Variants in MSRB3 observed in about 807,000 individuals in gnomAD.
MSRB3 encodes the protein methionine sulfoxide reductase B3.
A neutral mutation model predicts 21.0 loss-of-function variants in MSRB3; 13 were observed. The ratio of observed to expected loss-of-function variants is 0.62; its 90% CI spans 0.40 to 0.98. The LOEUF (loss-of-function observed/expected upper bound fraction) is 0.98. Ranked by LOEUF, MSRB3 falls within the 50% of genes least tolerant of loss-of-function variation. The pLI is 0.00. For missense variants in MSRB3, 199 were observed against 230.3 expected (o/e 0.86, Z 0.88); for synonymous variants, 87 against 88.6 (o/e 0.98, Z 0.10).
In MSRB3 at chr12:65,315,365, C is replaced by A. The variant is rs913648398; in HGVS notation, c.76+6710C>A. 4.6e-5 allele frequency among the ~76,000 whole-genome samples: 7 copies of A among 151,584 alleles called. No homozygotes were observed. The South Asian group carries it at 1.3e-3, about 27-fold the overall frequency. On this transcript the variant is annotated intron_variant, in intron 2 of 6. Transcript: ENST00000308259. Reference sequence around the variant, plus strand: ...CGCTTGTATTAGTAATTTAAAAATGCGTGTTATAAAAAATACACCATGAGG... The same window carrying A: ...CGCTTGTATTAGTAATTTAAAAATGAGTGTTATAAAAAATACACCATGAGG...
intron 5 of MSRB3, among the ~76,000 whole-genome samples, chr12:65,427,048 G>GCCA (rs1312696730): frequency 1.3e-5 from 2 of 152,114 alleles, no homozygotes; most frequent in African/African-American, 4.8e-5. Flanking sequence ...CATTTCTTTA[G>GCCA]GGTCACCTAC....
intron 5 of MSRB3, among the ~76,000 whole-genome samples, chr12:65,404,765 A>C (rs945651166): frequency 5.9e-5 from 9 of 152,196 alleles, no homozygotes; most frequent in African/African-American, 2.2e-4. Flanking sequence ...TGGTGAGAAC[A>C]CTTAAAATCT....
rs202103470 is a variant in MSRB3 at position 65,283,433 on chromosome 12, A to AT, written c.-52+4583dup. Among the ~76,000 whole-genome samples the AT allele has an allele frequency of 2.5e-3, 358 of 144,296 alleles. 1 individual carries two copies. The highest frequency in any genetic ancestry group is 0.014 in the Middle Eastern group (4 of 282). The allele number at this position is 144,296 out of a possible 152,430, so 94.7% of individuals were successfully genotyped here. On this transcript the variant is annotated intron_variant, in intron 1 of 6. Transcript: ENST00000308259. ...TCCATATGTCAGTGAATCACCTAGAATTTTTTTTTTTTTTTGAGATAGGAT... is the reference window on the plus strand; with the variant it reads ...TCCATATGTCAGTGAATCACCTAGAATTTTTTTTTTTTTTTTGAGATAGGAT...
At chr12:65,384,799 A>G (rs1400752432) in intron 5 of MSRB3, among the ~76,000 whole-genome samples, 1 of 152,156 alleles carries the variant, frequency 6.6e-6, no homozygotes, top group Non-Finnish European at 1.5e-5. Context: ...TATGTTTTCA[A>G]TTAGGGTAAC....
chr12:65,442,918 T>C (rs1260356162), intron 5 of MSRB3, among the ~76,000 whole-genome samples: 1 of 152,114 alleles, frequency 6.6e-6, no homozygotes, highest in East Asian at 1.9e-4. Context: ...GAGACAGTGT[T>C]CAGGCCAGGG....
At chr12:65,331,271 T>C (rs748451336) in intron 4 of MSRB3, among the ~76,000 whole-genome samples, 6 of 152,054 alleles carry the variant, frequency 3.9e-5, no homozygotes, top group Non-Finnish European at 7.4e-5. Flanking sequence ...AATTATGAAC[T>C]GTAAGAGAGG....
At chr12:65,371,252 CA>C (rs1248561475) in intron 5 of MSRB3, among the ~76,000 whole-genome samples, 1 of 144,052 alleles carries the variant, frequency 6.9e-6, no homozygotes, top group African/African-American at 2.6e-5. Context: ...CACTTGAATC[CA>C]GGAGGCAGAG....
chr12:65,429,067 T>C (rs982092552), intron 5 of MSRB3, among the ~76,000 whole-genome samples: 1 of 152,136 alleles, frequency 6.6e-6, no homozygotes, highest in African/African-American at 2.4e-5. Context: ...ACACATCCAT[T>C]AAGTCAATAT....
intron 5 of MSRB3, among the ~76,000 whole-genome samples, chr12:65,385,805 TG>T (rs1183323247): frequency 2.0e-5 from 3 of 152,022 alleles, no homozygotes; most frequent in African/African-American, 7.2e-5. Flanking sequence ...TGCCTCCTTG[TG>T]GTCTTTTTCT....
intron 5 of MSRB3, among the ~76,000 whole-genome samples, chr12:65,393,159 T>C (rs916688982): frequency 1.3e-5 from 2 of 152,180 alleles, no homozygotes; most frequent in Non-Finnish European, 2.9e-5. Context: ...ACTTTCTTTA[T>C]GTTGTATGCA....
chr12:65,396,295 A>G (rs1313444677), intron 5 of MSRB3, among the ~76,000 whole-genome samples: 3 of 152,186 alleles, frequency 2.0e-5, no homozygotes, highest in Non-Finnish European at 4.4e-5. Flanking sequence ...ATCTCCAAGC[A>G]TTTTCTGATA....
chr12:65,339,168 C>T (rs528913819), intron 4 of MSRB3, among the ~76,000 whole-genome samples: 1 of 152,330 alleles, frequency 6.6e-6, no homozygotes, highest in Middle Eastern at 3.4e-3. Context: ...AGGTGTTTCT[C>T]AGCCTCAGCT....
At chr12:65,433,517 T>A (rs943432492) in intron 5 of MSRB3, among the ~76,000 whole-genome samples, 4 of 151,888 alleles carry the variant, frequency 2.6e-5, no homozygotes, top group African/African-American at 7.2e-5. Context: ...CACACCATCA[T>A]GCACAGAATG....
At chr12:65,386,377 CA>C (rs1879196655) in intron 5 of MSRB3, among the ~76,000 whole-genome samples, 1 of 151,934 alleles carries the variant, frequency 6.6e-6, no homozygotes, top group South Asian at 2.1e-4. Flanking sequence ...AGAGAACTTA[CA>C]TGATTCTGGG....
chr12:65,446,519 C>A (rs181169284), intron 5 of MSRB3, among the ~76,000 whole-genome samples: 1 of 151,994 alleles, frequency 6.6e-6, no homozygotes, highest in African/African-American at 2.4e-5. Context: ...CTAAAGTCTG[C>A]AGTTTATTAA....
intron 1 of MSRB3, among the ~76,000 whole-genome samples, chr12:65,307,877 G>A (rs1480030903): frequency 6.6e-6 from 1 of 152,138 alleles, no homozygotes; most frequent in Non-Finnish European, 1.5e-5. Flanking sequence ...TTTTGAAAGT[G>A]AAGTCCCTTA....
chr12:65,308,771 T>C, intron 2 of MSRB3, 116 bp downstream of exon 2: 1 of 1,260,400 alleles, frequency 7.9e-7, no homozygotes, highest in Admixed American at 1.8e-5. Flanking sequence ...ACTTGGGCCC[T>C]AATTTGAAGA....
intron 6 of MSRB3, chr12:65,454,120 C>T (rs1882983929): frequency 1.7e-6 from 1 of 596,500 alleles, no homozygotes; most frequent in Admixed American, 2.9e-5. Context: ...CTCGTCTCTA[C>T]AGAAAATATT....
chr12:65,291,427 A>G (rs1026247268), intron 1 of MSRB3, among the ~76,000 whole-genome samples: 9 of 151,076 alleles, frequency 6.0e-5, no homozygotes, highest in African/African-American at 1.9e-4. Context: ...AGTTTTTCCA[A>G]GCTCTTGGGT....
Sources: gnomAD v4.1 joint callset for allele counts (sites outside exome capture counted in the v4.1 genomes callset) on GRCh38, gnomAD v4.1.1 for gene constraint, MANE v1.5 for transcripts, NCBI Gene and HGNC (gene_info 2026-07-23, HGNC 2026-07-21) for gene names.